The following WASHC3 variants were observed in gnomAD, a reference collection of about 807,000 sequenced individuals.
The protein encoded by WASHC3 is WASH complex subunit CCDC53.
In WASHC3, 24 loss-of-function variants were observed where a neutral mutation model predicts 26.1. That is an observed-to-expected ratio of 0.92 (90% confidence interval 0.66 to 1.29). The LOEUF is 1.29. WASHC3 is among the 50% of genes most tolerant of loss of function. WASHC3 has a pLI of 0.00. For synonymous variants in WASHC3, 77 were observed against 75.7 expected, an observed-to-expected ratio of 1.02 and a Z score of -0.09; for missense variants, 214 against 229.6, an observed-to-expected ratio of 0.93 and a Z score of 0.44.
intron 5 of WASHC3, among the ~76,000 whole-genome samples, chr12:102,027,689 C>G (rs1877260261): frequency 6.6e-6 from 1 of 152,108 alleles, no homozygotes. Context: ...CCCACATCCC[C>G]TTTCACAGCC....
intron 5 of WASHC3, among the ~76,000 whole-genome samples, chr12:102,028,868 T>A (rs911949386): frequency 6.6e-6 from 1 of 151,836 alleles, no homozygotes; most frequent in Admixed American, 6.6e-5. Flanking sequence ...AACCTAAACC[T>A]GTAAGCTCCA....
Position 102,044,194 on chromosome 12 carries a change from G to C in WASHC3, c.235C>G (p.Leu79Val), listed in dbSNP as rs781594560. 4.5e-5 allele frequency: 72 copies of C among 1,597,546 alleles called. No homozygotes were observed. Among genetic ancestry groups the C allele is most frequent in the Non-Finnish European group, 5.5e-5 (64 of 1,168,650 alleles). ...GATACTTCAACTGTGACATCATCTA[G>C]GCCTGGGATAGATGACAACTGAGAA... ...LDAKLSSIPG[L>V]DDVTVEVSPL... The change falls in exon 4 of 7, where the codon CTA becomes GTA. Residue 79 changes from leucine to valine, a missense_variant. Transcript: ENST00000240079.
intron 2 of WASHC3, chr12:102,050,140 C>CTTT (rs1878328355): frequency 6.1e-6 from 2 of 329,912 alleles, no homozygotes; most frequent in Admixed American, 8.3e-5. Flanking sequence ...TAGGGAAACC[C>CTTT]TGTCTCTACA....
chr12:102,024,825 T>C (rs1877105837), intron 6 of WASHC3, among the ~76,000 whole-genome samples: 1 of 152,202 alleles, frequency 6.6e-6, no homozygotes. Context: ...GGATTGAACC[T>C]ATATGTCTGA....
intron 2 of WASHC3, among the ~76,000 whole-genome samples, chr12:102,058,021 T>C (rs1878661915): frequency 6.6e-6 from 1 of 151,890 alleles, no homozygotes; most frequent in African/African-American, 2.4e-5. Context: ...ACCACAAAGC[T>C]ACAGTAATCA....
intron 6 of WASHC3, among the ~76,000 whole-genome samples, chr12:102,023,256 A>C (rs1411850138): frequency 6.6e-6 from 1 of 152,140 alleles, no homozygotes; most frequent in African/African-American, 2.4e-5. Context: ...CACATAAGCC[A>C]ATCAACTATA....
intron 5 of WASHC3, among the ~76,000 whole-genome samples, chr12:102,031,410 A>G (rs1042684684): frequency 4.6e-5 from 7 of 152,200 alleles, no homozygotes; most frequent in African/African-American, 1.7e-4. Context: ...ATCCCAACTC[A>G]AAGTTACTAT....
chr12:102,034,811 T>TGTG (rs1386562366), intron 5 of WASHC3, among the ~76,000 whole-genome samples: 1 of 151,724 alleles, frequency 6.6e-6, no homozygotes, highest in African/African-American at 2.4e-5. Context: ...TGTGTGTGTG[T>TGTG]GTGTGAGTAT....
chr12:102,043,076 A>G (rs565413511), intron 4 of WASHC3, among the ~76,000 whole-genome samples: 2 of 152,298 alleles, frequency 1.3e-5, no homozygotes, highest in South Asian at 4.1e-4. Context: ...TTCTAAGATC[A>G]GTAGCTCTCA....
chr12:102,061,761 G>C, intron 1 of WASHC3, 151 bp downstream of exon 1: 1 of 616,570 alleles, frequency 1.6e-6, no homozygotes, highest in South Asian at 2.0e-5. Context: ...GTGGACTGTG[G>C]GGCTCTCCCT....
At chr12:102,016,236 G>C (rs1876694990) in intron 6 of WASHC3, among the ~76,000 whole-genome samples, 1 of 151,772 alleles carries the variant, frequency 6.6e-6, no homozygotes, top group Admixed American at 6.6e-5. Flanking sequence ...ACAGAGTCTT[G>C]CTCTGTCACC....
intron 6 of WASHC3, among the ~76,000 whole-genome samples, chr12:102,017,556 T>C (rs945711349): frequency 6.6e-6 from 1 of 152,182 alleles, no homozygotes; most frequent in African/African-American, 2.4e-5. Flanking sequence ...GCAGGCTGCA[T>C]TCAGAAACTG....
chr12:102,046,280 G>A (rs1878160598), intron 2 of WASHC3, among the ~76,000 whole-genome samples, 161 bp from the exon 3 acceptor site: 1 of 151,564 alleles, frequency 6.6e-6, no homozygotes, highest in African/African-American at 2.4e-5. Flanking sequence ...CTTCTATTAC[G>A]TGTATTATAA....
chr12:102,035,407 G>A (rs145376360), intron 5 of WASHC3, among the ~76,000 whole-genome samples: 124 of 152,312 alleles, frequency 8.1e-4, no homozygotes, highest in African/African-American at 2.8e-3. Flanking sequence ...TACATCTGTT[G>A]TTGGAAATTT....
chr12:102,033,264 A>G (rs1877509030), intron 5 of WASHC3, among the ~76,000 whole-genome samples: 1 of 152,150 alleles, frequency 6.6e-6, no homozygotes, highest in African/African-American at 2.4e-5. Flanking sequence ...ACTTTCATTC[A>G]TATCTGAAGT....
intron 2 of WASHC3, among the ~76,000 whole-genome samples, chr12:102,057,520 T>C (rs1878636522): frequency 6.6e-6 from 1 of 151,992 alleles, no homozygotes; most frequent in Non-Finnish European, 1.5e-5. Context: ...GAAAATCTTA[T>C]AAAAAATTCC....
rs144069541 is a variant in WASHC3, at chr12:102,045,685, T to G, written c.216+369A>C. 2.2e-4 allele frequency among the ~76,000 whole-genome samples: 34 copies of G among 152,346 alleles called. 1 individual carries two copies. The highest frequency in any genetic ancestry group is 7.5e-4 in the African/African-American group (31 of 41,586). ...AACAGCTGATATTGTCTCTAAAATT[T>G]GCTCTGAGACATCTAAAGATTTATA... On this transcript the variant is annotated intron_variant, in intron 3 of 6. Coordinates refer to ENST00000240079, the MANE Select transcript of WASHC3 (RefSeq NM_016053.4).
rs751673384 is a variant in WASHC3 at position 102,044,209 on chromosome 12, A to G, written c.220T>C (p.Ser74Pro). ...ACATCATCTAGGCCTGGGATAGATG[A>G]CAACTGAGAAAAGAAAATTAGTATT... The part of the protein sequence containing the change: ...TTLNILDAKL[S>P]SIPGLDDVTV... The change falls in exon 4 of 7, where the codon TCA becomes CCA. Residue 74 changes from serine (S) to proline (P), a missense_variant. Physicochemically the swap from Ser to Pro is moderately conservative, Grantham distance 74. Transcript: ENST00000240079. The G allele has an allele frequency of 6.4e-7, 1 of 1,557,482 alleles. No individual in the cohort carries two copies. The highest frequency in any genetic ancestry group is 8.8e-7 in the Non-Finnish European group (1 of 1,138,112).
At chr12:102,048,606 T>C (rs941589120) in intron 2 of WASHC3, among the ~76,000 whole-genome samples, 4 of 150,908 alleles carry the variant, frequency 2.7e-5, no homozygotes, top group African/African-American at 9.8e-5. Flanking sequence ...ACAGTGGTTT[T>C]AGGATCTAAG....
Sources: gnomAD v4.1 joint callset for allele counts (sites outside exome capture counted in the v4.1 genomes callset) on GRCh38, gnomAD v4.1.1 for gene constraint, MANE v1.5 for transcripts, NCBI Gene and HGNC (gene_info 2026-07-23, HGNC 2026-07-21) for gene names.